Variants in BTRC observed in about 807,000 individuals in gnomAD.
BTRC encodes the protein F-box/WD repeat-containing protein 1A.
In BTRC, 42 loss-of-function variants were observed where a neutral mutation model predicts 85.5. The observed-to-expected ratio is 0.49, with a 90% CI of 0.38 to 0.64. BTRC has a LOEUF of 0.64. Among genes scored for constraint, BTRC ranks in the 30% least tolerant of loss-of-function variants. BTRC has a pLI of 0.00. For missense variants in BTRC, 594 were observed against 743.5 expected (o/e 0.80, Z 2.34); for synonymous variants, 255 against 263.3 (o/e 0.97, Z 0.30).
At chr10:101,480,869 CATTT>C (rs1043884112) in intron 4 of BTRC, among the ~76,000 whole-genome samples, 25 of 152,086 alleles carry the variant, frequency 1.6e-4, no homozygotes, top group Admixed American at 4.6e-4. Flanking sequence ...ATTTTTCAGT[CATTT>C]AGTCACAACT....
At chr10:101,471,121 A>G (rs1479711530) in intron 3 of BTRC, among the ~76,000 whole-genome samples, 1 of 152,210 alleles carries the variant, frequency 6.6e-6, no homozygotes, top group Non-Finnish European at 1.5e-5. Flanking sequence ...GGGCCATGAA[A>G]TCAGGTAGTG....
chr10:101,465,635 A>G (rs1945353651), intron 3 of BTRC, among the ~76,000 whole-genome samples: 1 of 152,218 alleles, frequency 6.6e-6, no homozygotes, highest in East Asian at 1.9e-4. Context: ...TTCACAGAAT[A>G]GAGAAGGAAA....
intron 1 of BTRC, among the ~76,000 whole-genome samples, chr10:101,427,878 A>G (rs772004975): frequency 2.0e-5 from 3 of 152,232 alleles, no homozygotes; most frequent in Non-Finnish European, 4.4e-5. Context: ...TTTATTGAAT[A>G]AATGATTAAA....
intron 2 of BTRC, among the ~76,000 whole-genome samples, chr10:101,442,071 G>A (rs1385961683): frequency 6.6e-6 from 1 of 152,088 alleles, no homozygotes; most frequent in African/African-American, 2.4e-5. Context: ...AGCCAGAAAA[G>A]CATAGAAAAG....
intron 4 of BTRC, among the ~76,000 whole-genome samples, chr10:101,513,027 A>G (rs2061977170): frequency 6.6e-6 from 1 of 151,968 alleles, no homozygotes; most frequent in Non-Finnish European, 1.5e-5. Context: ...TCTCTCATAC[A>G]CTCTAATATA....
At chr10:101,434,426 C>T (rs962111789) in intron 2 of BTRC, among the ~76,000 whole-genome samples, 9 of 151,968 alleles carry the variant, frequency 5.9e-5, no homozygotes, top group African/African-American at 2.2e-4. Context: ...GCACTATATA[C>T]ATAAATTAAT....
intron 3 of BTRC, among the ~76,000 whole-genome samples, chr10:101,471,403 CAGAT>C (rs1162502297): frequency 2.6e-5 from 4 of 152,076 alleles, no homozygotes; most frequent in African/African-American, 7.3e-5. Context: ...AATAGACAGA[CAGAT>C]AGATAACTAC....
At chr10:101,513,968 TC>T (rs1190171246) in intron 4 of BTRC, among the ~76,000 whole-genome samples, 1 of 152,220 alleles carries the variant, frequency 6.6e-6, no homozygotes, top group Non-Finnish European at 1.5e-5. Flanking sequence ...TTTTAGCCAT[TC>T]TAATAAGTGT....
chr10:101,389,136 T>G (rs985725471), intron 1 of BTRC, among the ~76,000 whole-genome samples: 1 of 140,638 alleles, frequency 7.1e-6, no homozygotes, highest in Non-Finnish European at 1.5e-5. Context: ...TTTTTTTTTT[T>G]TTTTTTTTTT....
rs61751508 is a variant in BTRC, at chr10:101,533,065, G to A, written c.1092G>A (p.Thr364=). 3.6e-4 allele frequency: 574 copies of A among 1,604,866 alleles called. No homozygotes were observed. Among genetic ancestry groups the A allele is most frequent in the Non-Finnish European group, 4.4e-4 (514 of 1,172,104 alleles). ...RVIITGSSDS[T]VRVWDVNTGE... ...TCATAACAGGATCATCGGATTCCAC[G>A]GTCAGGTAGAAAATTTCAAATGCTT... Residue 364 remains threonine, a synonymous_variant, in exon 9 of 15, where the codon ACG becomes ACA. Coordinates refer to ENST00000370187, the MANE Select transcript of BTRC (RefSeq NM_033637.4).
At chr10:101,467,925 T>TA (rs1417716863) in intron 3 of BTRC, among the ~76,000 whole-genome samples, 4 of 152,210 alleles carry the variant, frequency 2.6e-5, no homozygotes, top group African/African-American at 9.7e-5. Flanking sequence ...TAAAGGTAAT[T>TA]AATGTAGGTC....
chr10:101,411,364 C>T (rs761652283), intron 1 of BTRC, among the ~76,000 whole-genome samples: 2 of 152,128 alleles, frequency 1.3e-5, no homozygotes, highest in Non-Finnish European at 2.9e-5. Flanking sequence ...TGGAAATATG[C>T]ATTTTCCAAA....
At chr10:101,511,152 G>A (rs2061947754) in intron 4 of BTRC, among the ~76,000 whole-genome samples, 1 of 152,146 alleles carries the variant, frequency 6.6e-6, no homozygotes, top group Admixed American at 6.5e-5. Context: ...GGCCTTATGT[G>A]ATCTTAGCCC....
intron 11 of BTRC, 28 bp downstream of exon 11, chr10:101,535,500 G>T: frequency 6.9e-7 from 1 of 1,459,758 alleles, no homozygotes; most frequent in South Asian, 1.2e-5. Context: ...TGTATCATAA[G>T]GGATCAATAT....
In BTRC at chr10:101,520,051, A is replaced by G. The variant is rs112478635; in HGVS notation, c.325-1588A>G. Among the ~76,000 whole-genome samples, 886 of 152,286 alleles carry G rather than the reference A, an allele frequency of 5.8e-3. 9 individuals carry two copies. Among genetic ancestry groups the G allele is most frequent in the South Asian group, 0.028 (135 of 4,816 alleles). On this transcript the variant is annotated intron_variant, in intron 4 of 14. Coordinates refer to ENST00000370187, the MANE Select transcript of BTRC (RefSeq NM_033637.4). ...ACCATCTTAGAATTTTGCCTACCAC[A>G]ATAACATACTTTTTTCCTGTCCCCT...
In BTRC at chr10:101,419,460, A is replaced by G. The variant is rs190796618; in HGVS notation, c.49-10885A>G. On this transcript the variant is annotated intron_variant, in intron 1 of 14. Coordinates refer to ENST00000370187, the MANE Select transcript of BTRC (RefSeq NM_033637.4). ...TTATTTCGAGAAAAAGCCACTTCCA[A>G]GCTTATTGTTGTTGGTGGTGGTGGA... Among the ~76,000 whole-genome samples, 369 of 152,114 alleles carry G rather than the reference A, an allele frequency of 2.4e-3. 3 individuals carry two copies. Among genetic ancestry groups the G allele is most frequent in the African/African-American group, 8.4e-3 (349 of 41,494 alleles).
chr10:101,355,189 A>G (rs1941998911), intron 1 of BTRC, among the ~76,000 whole-genome samples: 1 of 152,120 alleles, frequency 6.6e-6, no homozygotes, highest in Non-Finnish European at 1.5e-5. Context: ...GGCCGTGGAG[A>G]TGAGAGTTGC....
intron 1 of BTRC, among the ~76,000 whole-genome samples, chr10:101,421,769 G>C (rs182764669): frequency 6.6e-6 from 1 of 151,372 alleles, no homozygotes; most frequent in South Asian, 2.1e-4. Flanking sequence ...ATGGTTTCCA[G>C]CTTCATCCAT....
chr10:101,366,741 C>A (rs1271818869), intron 1 of BTRC, among the ~76,000 whole-genome samples: 1 of 124,470 alleles, frequency 8.0e-6, no homozygotes, highest in Non-Finnish European at 1.6e-5. Context: ...AAATTGGAGG[C>A]CCAGGGAGTT....
Sources: gnomAD v4.1 joint callset for allele counts (sites outside exome capture counted in the v4.1 genomes callset) on GRCh38, gnomAD v4.1.1 for gene constraint, MANE v1.5 for transcripts, NCBI Gene and HGNC (gene_info 2026-07-23, HGNC 2026-07-21) for gene names.